The following JARID2 variants were observed in gnomAD, a reference collection of about 807,000 sequenced individuals.
The protein encoded by JARID2 is jumonji and AT-rich interaction domain containing 2, also known as protein Jumonji.
JARID2 carries 21 observed loss-of-function variants against 125.6 expected under a neutral mutation model. The observed-to-expected ratio is 0.17, with a 90% CI of 0.12 to 0.24. The LOEUF is 0.24. Among genes scored for constraint, JARID2 ranks in the 10% least tolerant of loss-of-function variants. JARID2 has a pLI of 1.00. For synonymous variants in JARID2, 736 were observed against 661.6 expected (o/e 1.11, Z -1.73); for missense variants, 1,303 against 1,639.6 (o/e 0.79, Z 3.55).
intron 4 of JARID2, among the ~76,000 whole-genome samples, chr6:15,466,351 A>G (rs2127671800): frequency 6.6e-6 from 1 of 152,366 alleles, no homozygotes; most frequent in East Asian, 1.9e-4. Flanking sequence ...TTTGGATTTC[A>G]GCTGCTAGTC....
intron 1 of JARID2, among the ~76,000 whole-genome samples, chr6:15,252,667 G>A (rs1413514655): frequency 6.6e-6 from 1 of 152,148 alleles, no homozygotes; most frequent in African/African-American, 2.4e-5. Context: ...TATTGTGGAA[G>A]GTCTGTTCCA....
intron 2 of JARID2, among the ~76,000 whole-genome samples, chr6:15,400,622 T>C (rs557541153): frequency 6.6e-6 from 1 of 150,968 alleles, no homozygotes; most frequent in South Asian, 2.1e-4. Context: ...GTTGGGGAAA[T>C]GGCAGGATGA....
rs1770425608 is a variant in JARID2, at chr6:15,496,403, T to C, written c.1178T>C (p.Leu393Pro). ...AAAACCCGCAAACAGGTGCTATCCCTCGGGGGGGCGTCCAAGTCCACTGGG... is the reference window on the plus strand; with the variant it reads ...AAAACCCGCAAACAGGTGCTATCCCCCGGGGGGGCGTCCAAGTCCACTGGG... The part of the protein sequence containing the change: ...NAKTRKQVLS[L>P]GGASKSTGPA... The change falls in exon 7 of 18, where the codon CTC becomes CCC. Residue 393 changes from leucine (L) to proline (P), a missense_variant. Leu to Pro is a moderately conservative substitution (Grantham distance 98). Around this residue, in one of 11 missense-constraint regions of JARID2, gnomAD observed 651 missense variants for 581.6 expected, o/e 1.12. Transcript: ENST00000341776. 1 of 1,613,760 alleles carries C rather than the reference T, an allele frequency of 6.2e-7. No individual in the cohort carries two copies.
intron 1 of JARID2, among the ~76,000 whole-genome samples, chr6:15,283,038 G>T (rs562566589): frequency 6.6e-6 from 1 of 151,608 alleles, no homozygotes; most frequent in African/African-American, 2.4e-5. Context: ...GAGTGTAGTG[G>T]CGCGATCTTG....
intron 1 of JARID2, among the ~76,000 whole-genome samples, chr6:15,372,377 TAGAC>T (rs1764203292): frequency 6.6e-6 from 1 of 152,148 alleles, no homozygotes; most frequent in African/African-American, 2.4e-5. Flanking sequence ...TTATTATTTT[TAGAC>T]AGAGTTTTGC....
In JARID2 at chr6:15,396,879, C is replaced by T. The variant is rs1170902708; in HGVS notation, c.182-13345C>T. Among the ~76,000 whole-genome samples, 4 of 152,276 alleles carry T rather than the reference C, an allele frequency of 2.6e-5. No individual in the cohort carries two copies. The South Asian group carries it at 6.2e-4, about 24-fold the overall frequency. Reference sequence around the variant, plus strand: ...AGCCTTAACAACCCAGTTAGTTTCACGAGTTTGCATACCATCACCCAGTCC... The same window carrying T: ...AGCCTTAACAACCCAGTTAGTTTCATGAGTTTGCATACCATCACCCAGTCC... On this transcript the variant is annotated intron_variant, in intron 2 of 17. Coordinates refer to ENST00000341776, the MANE Select transcript of JARID2 (RefSeq NM_004973.4).
chr6:15,247,093 CT>C (rs1297243879), intron 1 of JARID2, among the ~76,000 whole-genome samples: 5 of 152,226 alleles, frequency 3.3e-5, no homozygotes, highest in African/African-American at 1.2e-4. Flanking sequence ...GTCGTTTTGG[CT>C]TATCTGGTTT....
intron 1 of JARID2, among the ~76,000 whole-genome samples, chr6:15,331,205 A>C (rs1172096005): frequency 6.6e-6 from 1 of 151,966 alleles, no homozygotes; most frequent in Non-Finnish European, 1.5e-5. Context: ...ATGGTGGCAC[A>C]CACCTCTAAC....
rs770005964 is a variant in JARID2 at position 15,507,125 on chromosome 6, G to A, written c.2542-11G>A. On this transcript the variant is annotated splice_polypyrimidine_tract_variant and intron_variant, in intron 9 of 17. Coordinates refer to ENST00000341776, the MANE Select transcript of JARID2 (RefSeq NM_004973.4). ...TAGGGGTGCTGACCAGCCCTTTCCT[G>A]TTCCCTGCAGCAAGAGTACTGGAGG... 20 of 1,573,418 alleles carry A rather than the reference G, an allele frequency of 1.3e-5. No homozygotes were observed. The East Asian group carries it at 4.2e-4, about 33-fold the overall frequency.
intron 1 of JARID2, among the ~76,000 whole-genome samples, chr6:15,328,699 G>T (rs1280489508): frequency 1.3e-5 from 2 of 152,200 alleles, no homozygotes; most frequent in East Asian, 3.8e-4. Flanking sequence ...GTCAAAATGT[G>T]TGTCTGTGGC....
intron 1 of JARID2, among the ~76,000 whole-genome samples, chr6:15,359,915 G>C (rs1015133612): frequency 3.3e-5 from 5 of 152,054 alleles, no homozygotes; most frequent in African/African-American, 9.7e-5. Flanking sequence ...TTGAACCCCT[G>C]ACCTCAGGTG....
At chr6:15,287,538 GGTGTGTGGC>G in intron 1 of JARID2, among the ~76,000 whole-genome samples, 1 of 152,206 alleles carries the variant, frequency 6.6e-6, no homozygotes, top group South Asian at 2.1e-4. Context: ...TTACATTTTT[GGTGTGTGGC>G]GTATATTCAA....
At chr6:15,271,934 AG>A (rs1420588552) in intron 1 of JARID2, among the ~76,000 whole-genome samples, 1 of 152,218 alleles carries the variant, frequency 6.6e-6, no homozygotes, top group Non-Finnish European at 1.5e-5. Flanking sequence ...TGGGAAGCAG[AG>A]GTTGCAGTGA....
At chr6:15,476,482 A>G (rs1404879779) in intron 5 of JARID2, among the ~76,000 whole-genome samples, 1 of 152,232 alleles carries the variant, frequency 6.6e-6, no homozygotes, top group Non-Finnish European at 1.5e-5. Flanking sequence ...AGTTTCCTGC[A>G]AGAGCCTGCT....
intron 4 of JARID2, among the ~76,000 whole-genome samples, chr6:15,461,518 A>G (rs1344182559): frequency 6.6e-6 from 1 of 152,188 alleles, no homozygotes; most frequent in Non-Finnish European, 1.5e-5. Context: ...TTGTTCCTTA[A>G]CAAAGACCAA....
At chr6:15,424,054 T>C (rs1561853753) in intron 3 of JARID2, among the ~76,000 whole-genome samples, 1 of 152,280 alleles carries the variant, frequency 6.6e-6, no homozygotes. Flanking sequence ...TGCTTAGACA[T>C]CTGAGCCCGC....
In JARID2 at chr6:15,468,535, C is replaced by T; in HGVS notation, c.494-7C>T. 6.2e-7 allele frequency: 1 copy of T among 1,606,572 alleles called. No individual in the cohort carries two copies. Among genetic ancestry groups the T allele is most frequent in the Non-Finnish European group, 8.5e-7 (1 of 1,175,954 alleles). ...GTGTTTATGAGCTGTTTTTCTTATTCCACCAGGTTCTCCTGCGCTGCCCAA... is the reference window on the plus strand; with the variant it reads ...GTGTTTATGAGCTGTTTTTCTTATTTCACCAGGTTCTCCTGCGCTGCCCAA... On this transcript the variant is annotated splice_region_variant and splice_polypyrimidine_tract_variant and intron_variant, in intron 4 of 17. Coordinates refer to ENST00000341776, the MANE Select transcript of JARID2 (RefSeq NM_004973.4).
At chr6:15,475,751 G>T (rs1187856487) in intron 5 of JARID2, among the ~76,000 whole-genome samples, 1 of 152,220 alleles carries the variant, frequency 6.6e-6, no homozygotes, top group East Asian at 1.9e-4. Context: ...AGTTAAGAAG[G>T]TGAGAGCTCA....
chr6:15,487,443 C>T lies in JARID2; in HGVS notation c.807C>T (p.His269=). The T allele has an allele frequency of 6.2e-7, 1 of 1,614,246 alleles. No individual in the cohort carries two copies. The highest frequency in any genetic ancestry group is 8.5e-7 in the Non-Finnish European group (1 of 1,180,046). The part of the protein sequence containing the change: ...DSRREQASAN[H]PAAAPSTGSS... ...GCCGGGAGCAGGCTTCAGCTAACCACCCCGCAGCGGCCCCCTCCACGGGTT... is the reference window on the plus strand; with the variant it reads ...GCCGGGAGCAGGCTTCAGCTAACCATCCCGCAGCGGCCCCCTCCACGGGTT... Residue 269 remains histidine (H), a synonymous_variant, in exon 6 of 18, where the codon CAC becomes CAT. Transcript: ENST00000341776.
Sources: gnomAD v4.1 joint callset for allele counts (sites outside exome capture counted in the v4.1 genomes callset) on GRCh38, gnomAD v4.1.1 for gene constraint, gnomAD v4.1.1 regional missense constraint, MANE v1.5 for transcripts, NCBI Gene and HGNC (gene_info 2026-07-23, HGNC 2026-07-21) for gene names.